Variants in SMAD6 observed in about 807,000 individuals in gnomAD.
The protein encoded by SMAD6 is MAD homolog 6.
SMAD6 carries 103 observed loss-of-function variants against 39.4 expected under a neutral mutation model. The ratio of observed to expected loss-of-function variants is 2.62; its 90% CI spans 2.23 to 3.08. SMAD6 has a LOEUF of 3.08. Among genes scored for constraint, SMAD6 ranks in the 30% most tolerant of loss-of-function variants. The pLI, the probability that SMAD6 is intolerant of heterozygous loss-of-function variation, is 0.00. For synonymous variants in SMAD6, 445 were observed against 353.3 expected (o/e 1.26, Z -2.91); for missense variants, 1,104 against 742.9 (o/e 1.49, Z -5.65).
intron 3 of SMAD6, among the ~76,000 whole-genome samples, chr15:66,744,950 G>C (rs570731803): frequency 6.6e-6 from 1 of 152,308 alleles, no homozygotes; most frequent in Non-Finnish European, 1.5e-5. Context: ...TTCTTGCCAA[G>C]AATCTGGGTG....
intron 3 of SMAD6, among the ~76,000 whole-genome samples, chr15:66,772,895 G>A (rs909655087): frequency 6.6e-6 from 1 of 152,174 alleles, no homozygotes; most frequent in Non-Finnish European, 1.5e-5. Flanking sequence ...TCACCTCTTT[G>A]AGCCTGTTTT....
chr15:66,711,857 T>C lies in SMAD6; in HGVS notation c.874+133T>C, dbSNP rs368499124. On this transcript the variant is annotated intron_variant, in intron 2 of 3. Transcript: ENST00000288840. ...GAGGGGTGAAAGCCGGACTGGTTGC[T>C]GTGAAATGGGGTGAAGTTGTACAAA... 4.2e-5 allele frequency: 31 copies of C among 729,462 alleles called. No homozygotes were observed. The African/African-American group carries it at 4.7e-4, about 11-fold the overall frequency. The allele number at this position is 729,462 out of a possible 1,614,324, so 45.2% of individuals were successfully genotyped here. A position where few individuals can be genotyped will look rare whatever the true frequency, so the allele number is the denominator to read the frequency against.
At chr15:66,705,725 G>A (rs1342393412) in intron 1 of SMAD6, 1 of 152,470 alleles carries the variant, frequency 6.6e-6, no homozygotes, top group Non-Finnish European at 1.5e-5. Flanking sequence ...AATATGAGTA[G>A]GATCTATGCC....
intron 3 of SMAD6, among the ~76,000 whole-genome samples, chr15:66,719,046 G>C (rs1893384495): frequency 6.6e-6 from 1 of 152,238 alleles, no homozygotes; most frequent in Non-Finnish European, 1.5e-5. Context: ...CAGGCACTTT[G>C]CTAAGCGCCA....
At chr15:66,762,265 G>T (rs1308618826) in intron 3 of SMAD6, among the ~76,000 whole-genome samples, 1 of 152,130 alleles carries the variant, frequency 6.6e-6, no homozygotes, top group Non-Finnish European at 1.5e-5. Context: ...CTCCCTTGCC[G>T]CACCATCAAT....
chr15:66,716,590 C>A (rs1893335144), intron 3 of SMAD6, 92 bp downstream of exon 3: 1 of 927,822 alleles, frequency 1.1e-6, no homozygotes, highest in African/African-American at 1.6e-5. Flanking sequence ...TTTTGACTTC[C>A]CCTCTTCTTT....
At position 66,715,785 on chromosome 15, in the gene SMAD6, C is replaced by T. The variant is rs550958861; in HGVS notation, c.875-636C>T. Among the ~76,000 whole-genome samples, 1,182 of 144,560 alleles carry T rather than the reference C, an allele frequency of 8.2e-3. 19 individuals carry two copies. Among genetic ancestry groups the T allele is most frequent in the African/African-American group, 0.029 (1,140 of 39,032 alleles). 94.8% of individuals were successfully genotyped at this position (144,560 alleles called of 152,430 possible). ...TACTTAAAAAAAAAAAAAAAAAGAA[C>T]GCCTTAAAAAAAAACAGTCCAGGCA... On this transcript the variant is annotated intron_variant, in intron 2 of 3. Coordinates refer to ENST00000288840, the MANE Select transcript of SMAD6 (RefSeq NM_005585.5).
intron 3 of SMAD6, among the ~76,000 whole-genome samples, chr15:66,719,818 C>T (rs1430874157): frequency 2.0e-5 from 3 of 152,112 alleles, no homozygotes; most frequent in Non-Finnish European, 4.4e-5. Flanking sequence ...GTTGGAAAAC[C>T]TTCATTTGAT....
chr15:66,762,334 G>A (rs1210525505), intron 3 of SMAD6, among the ~76,000 whole-genome samples: 2 of 152,206 alleles, frequency 1.3e-5, no homozygotes, highest in Non-Finnish European at 2.9e-5. Context: ...CTTAGCAAGC[G>A]GGTGAGAGGG....
At chr15:66,729,843 C>T (rs1412103681) in intron 3 of SMAD6, among the ~76,000 whole-genome samples, 6 of 152,084 alleles carry the variant, frequency 3.9e-5, no homozygotes, top group Non-Finnish European at 2.9e-5. Context: ...GCATCAAAGG[C>T]GGCACCGCGG....
chr15:66,773,688 A>G (rs1006398795), intron 3 of SMAD6, among the ~76,000 whole-genome samples: 2 of 152,112 alleles, frequency 1.3e-5, no homozygotes, highest in Non-Finnish European at 2.9e-5. Context: ...GGGACAGAAG[A>G]AAGGAGTTTT....
In SMAD6 at chr15:66,781,588, C is replaced by T. The variant is rs1231691379; in HGVS notation, c.*53C>T. ...GGAGGCCGCGGCCACCGCCACCTGC[C>T]GGCCTCGAGAGGGGCCGATGCCCAG... On this transcript the variant is annotated 3_prime_UTR_variant, in exon 4 of 4. Coordinates refer to ENST00000288840, the MANE Select transcript of SMAD6 (RefSeq NM_005585.5). 3.6e-6 allele frequency: 5 copies of T among 1,389,590 alleles called. No individual in the cohort carries two copies. The highest frequency in any genetic ancestry group is 1.5e-5 in the South Asian group (1 of 66,832). 86.1% of individuals were successfully genotyped at this position (1,389,590 alleles called of 1,614,324 possible).
chr15:66,781,774 C>T lies in SMAD6; in HGVS notation c.*239C>T. Reference sequence around the variant, plus strand: ...GTGCAATGTGTGTATATGGACAAAACAAGAAAGACGCACTTTGGCTTATAA... The same window carrying T: ...GTGCAATGTGTGTATATGGACAAAATAAGAAAGACGCACTTTGGCTTATAA... On this transcript the variant is annotated 3_prime_UTR_variant, in exon 4 of 4. Coordinates refer to ENST00000288840, the MANE Select transcript of SMAD6 (RefSeq NM_005585.5). The T allele has an allele frequency of 2.5e-6, 1 of 399,792 alleles. No homozygotes were observed. The highest frequency in any genetic ancestry group is 4.4e-6 in the Non-Finnish European group (1 of 226,772). 24.8% of individuals were successfully genotyped at this position (399,792 alleles called of 1,614,324 possible). A position where few individuals can be genotyped will look rare whatever the true frequency, so the allele number is the denominator to read the frequency against.
Position 66,703,313 on chromosome 15 carries a change from G to T in SMAD6, c.55G>T (p.Val19Phe), listed in dbSNP as rs1210695230. ...LVRRLWRSRV[V>F]PDREEGGSGG... ...GCGGCGACTTTGGCGAAGTCGTGTGGTCCCCGACCGGGAGGAAGGCGGCAG... is the reference window on the plus strand; with the variant it reads ...GCGGCGACTTTGGCGAAGTCGTGTGTTCCCCGACCGGGAGGAAGGCGGCAG... Residue 19 changes from valine to phenylalanine, a missense_variant, in exon 1 of 4, where the codon GTC becomes TTC. Coordinates refer to ENST00000288840, the MANE Select transcript of SMAD6 (RefSeq NM_005585.5). 9 of 1,488,658 alleles carry T rather than the reference G, an allele frequency of 6.0e-6. No individual in the cohort carries two copies. In the South Asian group the frequency reaches 7.7e-5, roughly 13 times the overall value. 92.2% of individuals were successfully genotyped at this position (1,488,658 alleles called of 1,614,324 possible). A position where few individuals can be genotyped will look rare whatever the true frequency, so the allele number is the denominator to read the frequency against.
Position 66,780,646 on chromosome 15 carries a change from C to T in SMAD6, c.953-351C>T, listed in dbSNP as rs529067525. On this transcript the variant is annotated intron_variant, in intron 3 of 3. Coordinates refer to ENST00000288840, the MANE Select transcript of SMAD6 (RefSeq NM_005585.5). ...CCACAGTCAGCCCCTCCTTTGGGGG[C>T]GTGCAGGCAGTTGTCTGTCTCTCCT... Among the ~76,000 whole-genome samples, 29 of 152,330 alleles carry T rather than the reference C, an allele frequency of 1.9e-4. No individual in the cohort carries two copies. In the South Asian group the frequency reaches 5.8e-3, roughly 30 times the overall value.
At chr15:66,726,378 A>G (rs1893521707) in intron 3 of SMAD6, among the ~76,000 whole-genome samples, 1 of 152,188 alleles carries the variant, frequency 6.6e-6, no homozygotes, top group Admixed American at 6.5e-5. Flanking sequence ...AGGCATCTCC[A>G]CACCACCAGA....
chr15:66,733,777 G>A (rs1893669391), intron 3 of SMAD6, among the ~76,000 whole-genome samples: 1 of 152,172 alleles, frequency 6.6e-6, no homozygotes, highest in Non-Finnish European at 1.5e-5. Flanking sequence ...CAGCCTTTGG[G>A]TGTGAGTTTC....
At chr15:66,763,350 C>T (rs1306453760) in intron 3 of SMAD6, among the ~76,000 whole-genome samples, 3 of 152,220 alleles carry the variant, frequency 2.0e-5, no homozygotes, top group Non-Finnish European at 4.4e-5. Flanking sequence ...ATGGCTCCAG[C>T]CCCCACGTGC....
chr15:66,710,193 T>G (rs1893200648), intron 1 of SMAD6, among the ~76,000 whole-genome samples: 1 of 152,232 alleles, frequency 6.6e-6, no homozygotes, highest in Non-Finnish European at 1.5e-5. Context: ...TCTCATTTAA[T>G]TTTTGTATTT....
Sources: gnomAD v4.1 joint callset for allele counts (sites outside exome capture counted in the v4.1 genomes callset) on GRCh38, gnomAD v4.1.1 for gene constraint, MANE v1.5 for transcripts, NCBI Gene and HGNC (gene_info 2026-07-23, HGNC 2026-07-21) for gene names.